PDE5A: variants seen among roughly 807,000 people sequenced by gnomAD.
PDE5A encodes phosphodiesterase 5A, also known as cGMP-specific 3',5'-cyclic phosphodiesterase.
PDE5A carries 67 observed loss-of-function variants against 110.2 expected under a neutral mutation model. The ratio of observed to expected loss-of-function variants is 0.61; its 90% CI spans 0.50 to 0.75. The LOEUF is 0.75. Ranked by LOEUF, PDE5A falls within the 30% of genes least tolerant of loss-of-function variation. The pLI, the probability that PDE5A is intolerant of heterozygous loss-of-function variation, is 0.00. For missense variants in PDE5A, 862 were observed against 1,045.1 expected, an observed-to-expected ratio of 0.82 and a Z score of 2.42; for synonymous variants, 328 against 351.2, an observed-to-expected ratio of 0.93 and a Z score of 0.74.
At chr4:119,499,535 A>AT (rs1259389921) in intron 20 of PDE5A, 1 of 151,396 alleles carries the variant, frequency 6.6e-6, no homozygotes, top group African/African-American at 2.4e-5. Context: ...AGTAATTCTG[A>AT]TTTTTCTTTT....
chr4:119,545,449 G>A (rs765836450), intron 9 of PDE5A, among the ~76,000 whole-genome samples: 19 of 152,002 alleles, frequency 1.2e-4, no homozygotes, highest in Non-Finnish European at 2.6e-4. Context: ...AAAAATAAAA[G>A]AGAACCATTC....
intron 1 of PDE5A, among the ~76,000 whole-genome samples, chr4:119,610,949 A>G (rs1729720207): frequency 6.6e-6 from 1 of 152,180 alleles, no homozygotes; most frequent in South Asian, 2.1e-4. Flanking sequence ...GTATGTCAAC[A>G]TCTTAGCTAC....
chr4:119,610,488 C>A (rs1729704298), intron 1 of PDE5A, among the ~76,000 whole-genome samples: 1 of 152,120 alleles, frequency 6.6e-6, no homozygotes, highest in Non-Finnish European at 1.5e-5. Flanking sequence ...CTTATCTTCT[C>A]AACGGGAAAT....
chr4:119,508,932 A>C (rs992525797), intron 15 of PDE5A, among the ~76,000 whole-genome samples: 1 of 152,058 alleles, frequency 6.6e-6, no homozygotes, highest in Non-Finnish European at 1.5e-5. Context: ...ATATTACATA[A>C]TAAGTTATAT....
rs1442197250 is a variant in PDE5A at position 119,627,004 on chromosome 4, T to C, written c.152+1516A>G. ...AATACATCTGCAAGAGAGCAAAGAATAACAACAACAACAAAAGTTATACAG... is the reference window on the plus strand; with the variant it reads ...AATACATCTGCAAGAGAGCAAAGAACAACAACAACAACAAAAGTTATACAG... On this transcript the variant is annotated intron_variant, in intron 1 of 20. Transcript: ENST00000354960. The surrounding 1 kb of genome is among the most constrained non-coding windows in gnomAD (Gnocchi z 4.6). The C allele has an allele frequency of 7.3e-6, 6 of 825,268 alleles. No individual in the cohort carries two copies. The highest frequency in any genetic ancestry group is 1.1e-5 in the Non-Finnish European group (6 of 526,768). The allele number at this position is 825,268 out of a possible 1,614,324, so 51.1% of individuals were successfully genotyped here.
chr4:119,551,646 T>C (rs1342645819), intron 9 of PDE5A, among the ~76,000 whole-genome samples: 1 of 152,210 alleles, frequency 6.6e-6, no homozygotes, highest in East Asian at 1.9e-4. Flanking sequence ...ACTTTACTCT[T>C]GCACAGAACT....
At chr4:119,572,692 T>A (rs1003282380) in intron 3 of PDE5A, among the ~76,000 whole-genome samples, 1 of 152,214 alleles carries the variant, frequency 6.6e-6, no homozygotes, top group Non-Finnish European at 1.5e-5. Context: ...GTTTCGTGGG[T>A]CTACCCCCCA....
In PDE5A at chr4:119,549,059, A is replaced by G. The variant is rs1194964379; in HGVS notation, c.1396+3491T>C. 8 of 152,320 alleles carry G rather than the reference A, an allele frequency of 5.3e-5. No homozygotes were observed. In the East Asian group the frequency reaches 1.5e-3, roughly 29 times the overall value. The allele number at this position is 152,320 out of a possible 1,614,324, so 9.4% of individuals were successfully genotyped here. A position where few individuals can be genotyped will look rare whatever the true frequency, so the allele number is the denominator to read the frequency against. On this transcript the variant is annotated intron_variant, in intron 9 of 20. Coordinates refer to ENST00000354960, the MANE Select transcript of PDE5A (RefSeq NM_001083.4). Reference sequence around the variant, plus strand: ...ATGCCTTGGAATTCTACTGCAACACACAGATGAGCAGCTTATCTCTCCATG... The same window carrying G: ...ATGCCTTGGAATTCTACTGCAACACGCAGATGAGCAGCTTATCTCTCCATG...
intron 12 of PDE5A, among the ~76,000 whole-genome samples, chr4:119,523,311 G>A (rs945587854): frequency 1.3e-5 from 2 of 152,030 alleles, no homozygotes; most frequent in African/African-American, 4.8e-5. Flanking sequence ...AGAGGCAATG[G>A]TTACAGTCAT....
At chr4:119,601,342 G>T (rs1471237153) in intron 2 of PDE5A, among the ~76,000 whole-genome samples, 1 of 152,014 alleles carries the variant, frequency 6.6e-6, no homozygotes, top group African/African-American at 2.4e-5. Context: ...TCAATAAAAA[G>T]CTGGGAAAAA....
intron 3 of PDE5A, among the ~76,000 whole-genome samples, chr4:119,588,612 A>C (rs1457964560): frequency 6.6e-6 from 1 of 152,126 alleles, no homozygotes; most frequent in Admixed American, 6.6e-5. Flanking sequence ...AAATAAATGA[A>C]AATATTTTTA....
intron 8 of PDE5A, among the ~76,000 whole-genome samples, 160 bp downstream of exon 8, chr4:119,553,478 G>A (rs1222728857): frequency 6.6e-6 from 1 of 152,082 alleles, no homozygotes; most frequent in African/African-American, 2.4e-5. Context: ...CTCAATAGAT[G>A]TTATGATCTA....
At chr4:119,569,416 G>C (rs186989375) in intron 3 of PDE5A, among the ~76,000 whole-genome samples, 93 of 151,882 alleles carry the variant, frequency 6.1e-4, no homozygotes, top group Non-Finnish European at 1.1e-3. Context: ...ATAGACACCA[G>C]AAATACCCTC....
intron 15 of PDE5A, among the ~76,000 whole-genome samples, chr4:119,509,903 G>A (rs903395412): frequency 2.6e-5 from 4 of 151,694 alleles, no homozygotes; most frequent in African/African-American, 9.7e-5. Context: ...GGTGGGGCTA[G>A]AGTAGACTTG....
chr4:119,565,119 C>T (rs192342077), intron 5 of PDE5A, among the ~76,000 whole-genome samples: 4 of 152,034 alleles, frequency 2.6e-5, no homozygotes, highest in Non-Finnish European at 5.9e-5. Context: ...TTCTCATCTC[C>T]CAAGTTAATG....
rs1246903761 is a variant in PDE5A at position 119,540,439 on chromosome 4, C to T, written c.1573-1420G>A. Among the ~76,000 whole-genome samples, 4 of 152,100 alleles carry T rather than the reference C, an allele frequency of 2.6e-5. No individual in the cohort carries two copies. The South Asian group carries it at 6.2e-4, about 24-fold the overall frequency. On this transcript the variant is annotated intron_variant, in intron 10 of 20. Coordinates refer to ENST00000354960, the MANE Select transcript of PDE5A (RefSeq NM_001083.4). The stretch of plus-strand genomic sequence containing the variant: ...AAACTCACAGCTGCTCTCTCCTGCA[C>T]GTGTGAAATTGATGGGTCATGGCTA...
At chr4:119,505,961 T>TATTG (rs1725539760) in intron 16 of PDE5A, 29 bp from the exon 17 acceptor site, 4 of 1,284,192 alleles carry the variant, frequency 3.1e-6, no homozygotes, top group Non-Finnish European at 4.4e-6. Flanking sequence ...AATTGTTAGT[T>TATTG]ATAATGAGTA....
intron 20 of PDE5A, 30 bp from the exon 21 acceptor site, chr4:119,498,768 G>T: frequency 6.2e-7 from 1 of 1,612,714 alleles, no homozygotes; most frequent in Non-Finnish European, 8.5e-7. Flanking sequence ...CAAACAGCTA[G>T]AGAGAAGCCA....
At chr4:119,513,234 A>G (rs190333201) in intron 14 of PDE5A, among the ~76,000 whole-genome samples, 1 of 152,144 alleles carries the variant, frequency 6.6e-6, no homozygotes, top group East Asian at 1.9e-4. Flanking sequence ...TGTTCTCTGC[A>G]CTCATACTTG....
Sources: gnomAD v4.1 joint callset for allele counts (sites outside exome capture counted in the v4.1 genomes callset) on GRCh38, gnomAD v4.1.1 for gene constraint, Gnocchi (gnomAD v3.1) non-coding constraint, MANE v1.5 for transcripts, NCBI Gene and HGNC (gene_info 2026-07-23, HGNC 2026-07-21) for gene names.